Variants in PRKCE observed in about 807,000 individuals in gnomAD.
PRKCE encodes the protein protein kinase C epsilon.
PRKCE carries 16 observed loss-of-function variants against 85.4 expected under a neutral mutation model. The observed-to-expected ratio is 0.19, with a 90% CI of 0.13 to 0.28. The LOEUF is 0.28. PRKCE is among the 10% of genes least tolerant of loss of function. The pLI, the probability that PRKCE is intolerant of heterozygous loss-of-function variation, is 1.00. For missense variants in PRKCE, 573 were observed against 975.2 expected (o/e 0.59, Z 5.49); for synonymous variants, 388 against 371.5 (o/e 1.04, Z -0.51).
At chr2:45,921,863 T>C (rs1698274252) in intron 2 of PRKCE, among the ~76,000 whole-genome samples, 1 of 152,182 alleles carries the variant, frequency 6.6e-6, no homozygotes, top group Admixed American at 6.5e-5. Context: ...TTAAGTTGGA[T>C]GGATAATAAA....
Position 46,176,886 on chromosome 2 carries a change from A to G in PRKCE, c.2068-7849A>G, listed in dbSNP as rs148872339. 3.6e-4 allele frequency among the ~76,000 whole-genome samples: 55 copies of G among 152,346 alleles called. No homozygotes were observed. The South Asian group carries it at 6.8e-3, about 19-fold the overall frequency. On this transcript the variant is annotated intron_variant, in intron 14 of 14. Coordinates refer to ENST00000306156, the MANE Select transcript of PRKCE (RefSeq NM_005400.3). ...TTTTAGGATGACATAAAGCTGGAGG[A>G]TACAGCAGATAAGATGGATGATAGA...
At chr2:46,010,790 C>G (rs975614092) in intron 10 of PRKCE, 1 of 1,591,906 alleles carries the variant, frequency 6.3e-7, no homozygotes, top group Admixed American at 1.7e-5. Context: ...TCACTGTTTG[C>G]TCATTGGAAA....
chr2:46,147,371 C>G (rs114938932), intron 12 of PRKCE, among the ~76,000 whole-genome samples: 132 of 152,296 alleles, frequency 8.7e-4, no homozygotes, highest in African/African-American at 3.1e-3. Flanking sequence ...TCCAGTTCCT[C>G]TGTAAGTTGA....
chr2:45,938,529 T>C (rs74916766), intron 2 of PRKCE, among the ~76,000 whole-genome samples: 9,381 of 152,212 alleles, frequency 0.062, 979 homozygotes, highest in African/African-American at 0.21. Context: ...CCTTTCAACA[T>C]TTCAGCGCCC....
chr2:46,099,617 G>A (rs1671023087), intron 11 of PRKCE, among the ~76,000 whole-genome samples: 1 of 151,518 alleles, frequency 6.6e-6, no homozygotes, highest in South Asian at 2.1e-4. Context: ...TGTTAACATT[G>A]CATCTGCTAC....
At chr2:45,874,852 G>T (rs185475577) in intron 2 of PRKCE, among the ~76,000 whole-genome samples, 290 of 152,222 alleles carry the variant, frequency 1.9e-3, no homozygotes, top group African/African-American at 6.8e-3. Flanking sequence ...GGATATTTGG[G>T]AATGAAGTGC....
chr2:46,009,976 A>T (rs572095037), intron 9 of PRKCE, among the ~76,000 whole-genome samples: 6 of 152,268 alleles, frequency 3.9e-5, no homozygotes, highest in Non-Finnish European at 7.3e-5. Context: ...TGTGCATTGA[A>T]CTTCTCTTTT....
At chr2:46,027,149 A>G (rs1351499841) in intron 10 of PRKCE, among the ~76,000 whole-genome samples, 1 of 152,178 alleles carries the variant, frequency 6.6e-6, no homozygotes, top group Admixed American at 6.5e-5. Flanking sequence ...AGCCTGAGCA[A>G]CAGAGCAAGA....
intron 10 of PRKCE, among the ~76,000 whole-genome samples, chr2:46,021,364 G>T (rs138526526): frequency 3.9e-5 from 6 of 152,252 alleles, no homozygotes; most frequent in Non-Finnish European, 8.8e-5. Flanking sequence ...ACAGCTCTGC[G>T]TAGCCTGCAT....
chr2:46,151,808 A>T (rs964365284), intron 13 of PRKCE, among the ~76,000 whole-genome samples: 7 of 152,272 alleles, frequency 4.6e-5, no homozygotes, highest in African/African-American at 1.7e-4. Flanking sequence ...CCTAGGAATC[A>T]TCCCTCACAT....
At chr2:46,009,361 T>C (rs1056825312) in intron 9 of PRKCE, among the ~76,000 whole-genome samples, 17 of 152,212 alleles carry the variant, frequency 1.1e-4, no homozygotes, top group African/African-American at 3.9e-4. Flanking sequence ...GAAATTAATA[T>C]GATAGCAGCA....
chr2:45,958,808 ATATATATATTTTTTTTTTT>A (rs1229175381), intron 2 of PRKCE, among the ~76,000 whole-genome samples: 1 of 23,822 alleles, frequency 4.2e-5, no homozygotes, highest in African/African-American at 1.8e-4. Context: ...ATATATATAT[ATATATATATTTTTTTTTTT>A]TTTTTTTTTT....
At chr2:45,860,786 C>T (rs963620568) in intron 2 of PRKCE, among the ~76,000 whole-genome samples, 1 of 152,156 alleles carries the variant, frequency 6.6e-6, no homozygotes, top group Non-Finnish European at 1.5e-5. Flanking sequence ...GGGGAACAGG[C>T]ATCCCTTTGT....
chr2:45,655,805 C>T (rs1478464145), intron 1 of PRKCE, among the ~76,000 whole-genome samples: 5 of 136,056 alleles, frequency 3.7e-5, no homozygotes, highest in Non-Finnish European at 7.6e-5. Flanking sequence ...CATCAGGCCA[C>T]GGCATTCCAG....
rs183370774 is a variant in PRKCE, at chr2:45,820,890, C to T, written c.349-22110C>T. ...CACCTGGCCTTCTGTCTCCCCACCC[C>T]CTTCCCACCCCCCAGCATGGCAACA... On this transcript the variant is annotated intron_variant, in intron 1 of 14. Transcript: ENST00000306156. 1.6e-4 allele frequency among the ~76,000 whole-genome samples: 25 copies of T among 152,228 alleles called. No homozygotes were observed. The South Asian group carries it at 5.0e-3, about 30-fold the overall frequency.
chr2:45,999,962 A>G (rs1038542772), intron 6 of PRKCE, among the ~76,000 whole-genome samples: 1 of 152,078 alleles, frequency 6.6e-6, no homozygotes, highest in African/African-American at 2.4e-5. Flanking sequence ...CTTTCTTAGC[A>G]TTTCCATCTC....
chr2:45,685,908 G>C (rs543923420), intron 1 of PRKCE, among the ~76,000 whole-genome samples: 27 of 152,326 alleles, frequency 1.8e-4, no homozygotes, highest in Non-Finnish European at 3.5e-4. Context: ...TCCACGGATA[G>C]AACCCTGACT....
intron 1 of PRKCE, among the ~76,000 whole-genome samples, chr2:45,750,178 G>A (rs1394613382): frequency 2.0e-5 from 3 of 152,068 alleles, no homozygotes; most frequent in South Asian, 2.1e-4. Flanking sequence ...TGAAAATATC[G>A]CTAATGTACA....
chr2:45,985,799 G>A (rs537385584), intron 6 of PRKCE, among the ~76,000 whole-genome samples: 1 of 152,332 alleles, frequency 6.6e-6, no homozygotes, highest in South Asian at 2.1e-4. Context: ...GGTAGAAATG[G>A]AGCCTGAGCT....
Sources: gnomAD v4.1 joint callset for allele counts (sites outside exome capture counted in the v4.1 genomes callset) on GRCh38, gnomAD v4.1.1 for gene constraint, MANE v1.5 for transcripts, NCBI Gene and HGNC (gene_info 2026-07-23, HGNC 2026-07-21) for gene names.